PHF21B: variants seen among roughly 807,000 people sequenced by gnomAD.
PHF21B encodes the protein PHD finger protein 21B.
A neutral mutation model predicts 62.2 loss-of-function variants in PHF21B; 22 were observed. The ratio of observed to expected loss-of-function variants is 0.35; its 90% CI spans 0.25 to 0.51. The LOEUF is 0.51. PHF21B is among the 20% of genes least tolerant of loss of function. The pLI is 0.97. For synonymous variants in PHF21B, 341 were observed against 314.7 expected (o/e 1.08, Z -0.88); for missense variants, 701 against 707.9 (o/e 0.99, Z 0.11).
chr22:45,008,227 C>A (rs942821268), intron 2 of PHF21B: 26 of 234,938 alleles, frequency 1.1e-4, no homozygotes. Context: ...CAGCGCAAAG[C>A]GGGGGACTCC....
chr22:44,946,628 T>G lies in PHF21B; in HGVS notation c.121-26138A>C, dbSNP rs949985164. Among the ~76,000 whole-genome samples the G allele has an allele frequency of 1.3e-4, 20 of 150,984 alleles. No homozygotes were observed. In the South Asian group the frequency reaches 1.9e-3, roughly 14 times the overall value. ...GACAGTGGTTGTATGGATGGATGGG[T>G]GGATGGATGGATGGGTGGATGGACG... is the stretch of plus-strand genomic sequence containing the variant. On this transcript the variant is annotated intron_variant, in intron 2 of 12. Transcript: ENST00000313237.
chr22:44,948,529 T>TA (rs136703), intron 2 of PHF21B, among the ~76,000 whole-genome samples: 9,462 of 150,728 alleles, frequency 0.063, 772 homozygotes, highest in African/African-American at 0.19. Flanking sequence ...AAAAATAAAA[T>TA]AAAAAAAAAC....
chr22:44,960,503 G>A (rs1298851059), intron 2 of PHF21B, among the ~76,000 whole-genome samples: 1 of 152,148 alleles, frequency 6.6e-6, no homozygotes, highest in African/African-American at 2.4e-5. Context: ...AGGGGCCATG[G>A]GTGACCTGGG....
intron 2 of PHF21B, among the ~76,000 whole-genome samples, chr22:44,970,401 C>A (rs185701064): frequency 6.6e-6 from 1 of 152,344 alleles, no homozygotes; most frequent in African/African-American, 2.4e-5. Context: ...AAAGGCAGCA[C>A]CTGTGCCAGG....
At chr22:44,939,101 T>C (rs1000119172) in intron 2 of PHF21B, among the ~76,000 whole-genome samples, 2 of 152,194 alleles carry the variant, frequency 1.3e-5, no homozygotes, top group African/African-American at 4.8e-5. Context: ...TCCTGCCTTC[T>C]GCCAAGACCC....
chr22:44,935,495 T>A (rs1045728884), intron 2 of PHF21B, among the ~76,000 whole-genome samples: 8 of 152,076 alleles, frequency 5.3e-5, no homozygotes, highest in African/African-American at 1.9e-4. Flanking sequence ...GCGCCTGTAG[T>A]CCCAGCTGCT....
intron 2 of PHF21B, among the ~76,000 whole-genome samples, chr22:44,993,851 TAC>T (rs1199451694): frequency 3.9e-5 from 6 of 152,200 alleles, no homozygotes; most frequent in Non-Finnish European, 8.8e-5. Flanking sequence ...TTTTCAAAAC[TAC>T]ACACACAACC....
chr22:44,928,419 CTTTT>C (rs917983908), intron 2 of PHF21B, among the ~76,000 whole-genome samples: 1 of 151,946 alleles, frequency 6.6e-6, no homozygotes, highest in Non-Finnish European at 1.5e-5. Flanking sequence ...ATGAAAGGAA[CTTTT>C]TTTTGAGACG....
chr22:44,981,033 T>G (rs1196945442), intron 2 of PHF21B, among the ~76,000 whole-genome samples: 2 of 152,222 alleles, frequency 1.3e-5, no homozygotes, highest in African/African-American at 4.8e-5. Context: ...AGTCCCAAGC[T>G]TTGTTCTCTT....
At chr22:44,985,720 G>A (rs1431158498) in intron 2 of PHF21B, among the ~76,000 whole-genome samples, 1 of 152,164 alleles carries the variant, frequency 6.6e-6, no homozygotes, top group East Asian at 1.9e-4. Flanking sequence ...AAAGCAACAT[G>A]GAAAACACTT....
chr22:44,999,875 G>A (rs1365043113), intron 2 of PHF21B, among the ~76,000 whole-genome samples: 3 of 152,034 alleles, frequency 2.0e-5, no homozygotes, highest in Non-Finnish European at 4.4e-5. Context: ...GGAACACCAG[G>A]ACGCGTCAGG....
chr22:44,905,271 G>T (rs1301853309), intron 5 of PHF21B, among the ~76,000 whole-genome samples: 1 of 152,130 alleles, frequency 6.6e-6, no homozygotes, highest in East Asian at 1.9e-4. Context: ...CTCCATGCAC[G>T]GTATCCTATT....
intron 2 of PHF21B, among the ~76,000 whole-genome samples, chr22:44,950,140 T>C (rs2072163834): frequency 6.6e-6 from 1 of 152,216 alleles, no homozygotes; most frequent in African/African-American, 2.4e-5. Flanking sequence ...AAGACGTGAA[T>C]ACCAGCTGTG....
chr22:44,899,063 A>C (rs759104316), intron 5 of PHF21B, among the ~76,000 whole-genome samples: 1 of 152,104 alleles, frequency 6.6e-6, no homozygotes, highest in Non-Finnish European at 1.5e-5. Context: ...AATATCCGGG[A>C]GGATTAGAAT....
At chr22:44,919,595 T>C (rs1256191651) in intron 3 of PHF21B, among the ~76,000 whole-genome samples, 1 of 152,214 alleles carries the variant, frequency 6.6e-6, no homozygotes, top group African/African-American at 2.4e-5. Flanking sequence ...TGGGGGAATC[T>C]GTCTAGCCCT....
chr22:44,998,315 C>A (rs2073155236), intron 2 of PHF21B, among the ~76,000 whole-genome samples: 1 of 152,236 alleles, frequency 6.6e-6, no homozygotes, highest in South Asian at 2.1e-4. Context: ...CACACACAGG[C>A]TGCCCTCTGG....
Position 44,916,467 on chromosome 22 carries a change from G to T in PHF21B, c.377C>A (p.Pro126His). 6.2e-7 allele frequency: 1 copy of T among 1,604,762 alleles called. No homozygotes were observed. ...ANNTVSHVPA[P>H]GSQPQALAEP... ...GGCGAGGGCCTGGGGCTGGCTGCCG[G>T]GCGCTGGCACATGGCTGACAGTGTT... Residue 126 changes from proline to histidine, a missense_variant, in exon 4 of 13, where the codon CCC becomes CAC. Physicochemically the swap from Pro to His is moderately conservative, Grantham distance 77. Coordinates refer to ENST00000313237, the MANE Select transcript of PHF21B (RefSeq NM_138415.5).
rs904256816 is a variant in PHF21B at position 45,005,269 on chromosome 22, C to G, written c.120+3276G>C. On this transcript the variant is annotated intron_variant, in intron 2 of 12. Transcript: ENST00000313237. ...GGCCCTCCACTATCTGAATCACAGC[C>G]CAGCAGCAAAGTGCAGCCACACCTG... 4.6e-5 allele frequency among the ~76,000 whole-genome samples: 7 copies of G among 152,220 alleles called. 1 individual carries two copies. Among genetic ancestry groups the G allele is most frequent in the Admixed American group, 4.6e-4 (7 of 15,286 alleles).
intron 5 of PHF21B, among the ~76,000 whole-genome samples, chr22:44,909,062 T>C (rs1459685134): frequency 6.6e-6 from 1 of 152,222 alleles, no homozygotes; most frequent in South Asian, 2.1e-4. Flanking sequence ...CCTCCCAAAG[T>C]GCCAGGATTA....
Sources: gnomAD v4.1 joint callset for allele counts (sites outside exome capture counted in the v4.1 genomes callset) on GRCh38, gnomAD v4.1.1 for gene constraint, MANE v1.5 for transcripts, NCBI Gene and HGNC (gene_info 2026-07-23, HGNC 2026-07-21) for gene names.